The following PIGN variants were observed in gnomAD, a reference collection of about 807,000 sequenced individuals.
The protein encoded by PIGN is GPI ethanolamine phosphate transferase 1.
PIGN carries 117 observed loss-of-function variants against 125.4 expected under a neutral mutation model. The observed-to-expected ratio is 0.93, with a 90% CI of 0.80 to 1.09. PIGN has a LOEUF of 1.09. Among genes scored for constraint, PIGN ranks in the 50% least tolerant of loss-of-function variants. PIGN has a pLI of 0.00. For synonymous variants in PIGN, 392 were observed against 377.8 expected (o/e 1.04, Z -0.44); for missense variants, 1,075 against 1,094.9 (o/e 0.98, Z 0.26).
intron 23 of PIGN, among the ~76,000 whole-genome samples, chr18:62,091,401 T>C (rs2033951883): frequency 6.6e-6 from 1 of 152,180 alleles, no homozygotes; most frequent in Non-Finnish European, 1.5e-5. Context: ...ATATGCTCTC[T>C]ATAGGAATAT....
intron 11 of PIGN, among the ~76,000 whole-genome samples, chr18:62,140,716 T>C (rs1427559668): frequency 6.6e-6 from 1 of 152,110 alleles, no homozygotes; most frequent in Non-Finnish European, 1.5e-5. Context: ...TAAAACATAC[T>C]AAAACAAAAA....
At chr18:62,112,764 T>A (rs2034930837) in intron 16 of PIGN, 2 of 226,322 alleles carry the variant, frequency 8.8e-6, no homozygotes, top group Admixed American at 5.7e-5. Context: ...TAATATCAAA[T>A]AAAATTAAAC....
At position 62,043,688 on chromosome 18, in the gene PIGN, T is replaced by G. The variant is rs1017964410; in HGVS notation, c.*2168A>C. On this transcript the variant is annotated 3_prime_UTR_variant, in exon 31 of 31. Coordinates refer to ENST00000640252, the MANE Select transcript of PIGN (RefSeq NM_176787.5). Reference sequence around the variant, plus strand: ...ACATATTGGAAAATGACAGACAAGCTGCAGCGGTTTCCTAAAGCCTTAGGA... The same window carrying G: ...ACATATTGGAAAATGACAGACAAGCGGCAGCGGTTTCCTAAAGCCTTAGGA... 6.6e-6 allele frequency: 1 copy of G among 152,212 alleles called. No individual in the cohort carries two copies. 9.4% of individuals were successfully genotyped at this position (152,212 alleles called of 1,614,324 possible). A position where few individuals can be genotyped will look rare whatever the true frequency, so the allele number is the denominator to read the frequency against.
At chr18:62,152,898 A>G (rs2036592481) in intron 7 of PIGN, among the ~76,000 whole-genome samples, 1 of 151,988 alleles carries the variant, frequency 6.6e-6, no homozygotes, top group Non-Finnish European at 1.5e-5. Context: ...TTACAAAAAA[A>G]CAGGTGAGTA....
intron 17 of PIGN, among the ~76,000 whole-genome samples, chr18:62,109,379 A>G (rs1164721749): frequency 7.5e-5 from 8 of 107,320 alleles, no homozygotes; most frequent in African/African-American, 2.9e-4. Flanking sequence ...ATTTAACTAC[A>G]AAGTTTAATT....
intron 13 of PIGN, 92 bp from the exon 14 acceptor site, chr18:62,138,390 G>A: frequency 7.1e-7 from 1 of 1,408,946 alleles, no homozygotes; most frequent in Non-Finnish European, 9.4e-7. Flanking sequence ...CTTTAGGGAT[G>A]GTTAACCACT....
At chr18:62,032,474 A>T (rs747816066) in intron 23 of PIGN, among the ~76,000 whole-genome samples, 2 of 152,224 alleles carry the variant, frequency 1.3e-5, no homozygotes, top group Non-Finnish European at 2.9e-5. Context: ...GCACACACGT[A>T]GTCAACTTCA....
At chr18:62,062,202 A>C (rs2032194066) in intron 30 of PIGN, among the ~76,000 whole-genome samples, 1 of 152,074 alleles carries the variant, frequency 6.6e-6, no homozygotes, top group Non-Finnish European at 1.5e-5. Flanking sequence ...TGCTCCCCCC[A>C]CCTGCAATCA....
intron 30 of PIGN, among the ~76,000 whole-genome samples, chr18:62,071,135 CAT>C (rs1468772908): frequency 1.3e-5 from 2 of 152,194 alleles, no homozygotes; most frequent in Admixed American, 6.5e-5. Context: ...ATAGTTATCA[CAT>C]GTTAAAAGGT....
chr18:62,026,919 G>A (rs1288025070), intron 23 of PIGN, among the ~76,000 whole-genome samples: 1 of 152,136 alleles, frequency 6.6e-6, no homozygotes, highest in African/African-American at 2.4e-5. Context: ...GGCTGACGGG[G>A]GGCCAAGGCG....
chr18:62,122,915 C>T lies in PIGN; in HGVS notation c.1173-8276G>A, dbSNP rs201918330. Among the ~76,000 whole-genome samples the T allele has an allele frequency of 3.3e-5, 5 of 152,124 alleles. No individual in the cohort carries two copies. In the South Asian group the frequency reaches 6.2e-4, roughly 19 times the overall value. The stretch of plus-strand genomic sequence containing the variant: ...TATAAAGTCTCTGGGATATTTGCAG[C>T]GTTAATTAACTCTCATGCCCTTATA... On this transcript the variant is annotated intron_variant, in intron 14 of 30. Coordinates refer to ENST00000640252, the MANE Select transcript of PIGN (RefSeq NM_176787.5).
chr18:62,142,396 G>A (rs962636573), intron 11 of PIGN, among the ~76,000 whole-genome samples: 2 of 152,146 alleles, frequency 1.3e-5, no homozygotes, highest in Non-Finnish European at 2.9e-5. Context: ...TATGAATAAG[G>A]GATGTTCTTG....
chr18:62,052,374 A>G (rs1352168939), intron 30 of PIGN: 3 of 150,310 alleles, frequency 2.0e-5, no homozygotes, highest in Non-Finnish European at 4.4e-5. Flanking sequence ...TGCTTTATGA[A>G]TCTTGGTGCT....
chr18:62,145,099 G>A (rs116318526), intron 10 of PIGN, among the ~76,000 whole-genome samples: 4 of 151,814 alleles, frequency 2.6e-5, no homozygotes, highest in Admixed American at 2.6e-4. Context: ...TTATCATAAT[G>A]TGTAAGTTTT....
rs1441163652 is a variant in PIGN, at chr18:62,045,862, G to T, written c.2790C>A (p.Phe930Leu). Residue 930 changes from phenylalanine to leucine, a missense_variant, in exon 31 of 31, where the codon TTC becomes TTA. Phe to Leu is a conservative substitution (Grantham distance 22). Around this residue, in one of 3 missense-constraint regions of PIGN, gnomAD observed 915 missense variants for 908.7 expected, o/e 1.01. Transcript: ENST00000640252. ...LRLCGKPKSHFM is the reference protein window; with the variant it reads ...LRLCGKPKSHLM ...GAATGGTGCTTCAGCAACCTCACAT[G>T]AAGTGACTTTTGGGTTTGCCACATA... 3.1e-6 allele frequency: 5 copies of T among 1,613,752 alleles called. No homozygotes were observed. The highest frequency in any genetic ancestry group is 4.2e-6 in the Non-Finnish European group (5 of 1,179,736).
In PIGN at chr18:62,161,981, A is replaced by G. The variant is rs147400721; in HGVS notation, c.-33+272T>C. On this transcript the variant is annotated intron_variant, in intron 3 of 30. Coordinates refer to ENST00000640252, the MANE Select transcript of PIGN (RefSeq NM_176787.5). The stretch of plus-strand genomic sequence containing the variant: ...GTATTCTATCACATTTGGCAGAATC[A>G]TATGAAGTTAAATTTCATCTGTGCT... Among the ~76,000 whole-genome samples, 150 of 152,306 alleles carry G rather than the reference A, an allele frequency of 9.8e-4. 1 individual carries two copies. Among genetic ancestry groups the G allele is most frequent in the African/African-American group, 3.4e-3 (143 of 41,558 alleles).
At chr18:62,057,212 C>T (rs1456665001) in intron 30 of PIGN, among the ~76,000 whole-genome samples, 4 of 152,186 alleles carry the variant, frequency 2.6e-5, no homozygotes, top group Non-Finnish European at 1.5e-5. Flanking sequence ...CTCCCAAGAT[C>T]CCATAGCTCC....
At chr18:62,039,296 CTTA>C (rs1393119701), downstream of PIGN, among the ~76,000 whole-genome samples, 1 of 152,126 alleles carries the variant, frequency 6.6e-6, no homozygotes, top group Non-Finnish European at 1.5e-5. Context: ...CCCAGTTTCT[CTTA>C]TTATTAATAC....
At chr18:62,160,995 G>T (rs933318563) in intron 4 of PIGN, 138 bp downstream of exon 4, 3 of 569,394 alleles carry the variant, frequency 5.3e-6, no homozygotes, top group Non-Finnish European at 6.2e-6. Context: ...TAAGACAAAG[G>T]CAAATGTACA....
Sources: allele counts gnomAD v4.1 joint callset (sites outside exome capture counted in the v4.1 genomes callset), GRCh38; gene constraint gnomAD v4.1.1; regional missense constraint gnomAD v4.1.1; transcripts MANE v1.5; gene names NCBI Gene and HGNC (gene_info 2026-07-23, HGNC 2026-07-21).